COLEC10: variants seen among roughly 807,000 people sequenced by gnomAD.
COLEC10 encodes the protein collectin-10.
A neutral mutation model predicts 28.4 loss-of-function variants in COLEC10; 22 were observed. The ratio of observed to expected loss-of-function variants is 0.78; its 90% confidence interval spans 0.55 to 1.11. The LOEUF is 1.11. COLEC10 is among the 50% of genes least tolerant of loss of function. COLEC10 has a pLI of 0.00. For missense variants in COLEC10, 361 were observed against 344.1 expected, an observed-to-expected ratio of 1.05 and a Z score of -0.39; for synonymous variants, 125 against 116.1, an observed-to-expected ratio of 1.08 and a Z score of -0.49.
intron 2 of COLEC10, among the ~76,000 whole-genome samples, chr8:119,022,612 C>A (rs1222369492): frequency 6.6e-6 from 1 of 151,944 alleles, no homozygotes; most frequent in Non-Finnish European, 1.5e-5. Flanking sequence ...AGAAAGTGAC[C>A]AGTGACTTTT....
At chr8:119,089,139 A>G (rs1019154359) in intron 1 of COLEC10, among the ~76,000 whole-genome samples, 1 of 152,208 alleles carries the variant, frequency 6.6e-6, no homozygotes, top group Non-Finnish European at 1.5e-5. Context: ...TAAACCATTC[A>G]TTCAATCTTT....
At chr8:118,976,986 AAC>A in the COLEC10 span, among the ~76,000 whole-genome samples, 6 of 148,518 alleles carry the variant, frequency 4.0e-5, no homozygotes, top group East Asian at 1.2e-3. Flanking sequence ...GCAGCCAAAA[AAC>A]ACATGAAAAA....
chr8:119,102,256 C>A, intron 3 of COLEC10, 92 bp from the exon 4 acceptor site: 2 of 410,994 alleles, frequency 4.9e-6, no homozygotes, highest in Non-Finnish European at 8.9e-6. Flanking sequence ...CCTTCTTTTC[C>A]TTCCTTCATT....
intron 1 of COLEC10, among the ~76,000 whole-genome samples, chr8:119,008,106 T>C (rs1813838647): frequency 6.6e-6 from 1 of 151,022 alleles, no homozygotes; most frequent in Non-Finnish European, 1.5e-5. Context: ...GGGAGCTAAC[T>C]TGGAAATATA....
At chr8:119,041,736 T>C (rs1367535159) in intron 2 of COLEC10, among the ~76,000 whole-genome samples, 1 of 152,202 alleles carries the variant, frequency 6.6e-6, no homozygotes, top group African/African-American at 2.4e-5. Flanking sequence ...TTAGTAAAAA[T>C]ACCCTCTGCT....
chr8:119,026,879 G>C (rs972249351), intron 2 of COLEC10, among the ~76,000 whole-genome samples: 12 of 152,130 alleles, frequency 7.9e-5, no homozygotes, highest in African/African-American at 2.9e-4. Context: ...ATTTTTGGCT[G>C]TAGGCTGCCC....
chr8:118,959,773 T>C, the COLEC10 span, among the ~76,000 whole-genome samples: 1 of 152,176 alleles, frequency 6.6e-6, no homozygotes, highest in Non-Finnish European at 1.5e-5. Flanking sequence ...GTTCCCACAA[T>C]GTGTTCAGCC....
At chr8:119,016,104 G>A (rs1001315509) in intron 2 of COLEC10, among the ~76,000 whole-genome samples, 7 of 152,014 alleles carry the variant, frequency 4.6e-5, no homozygotes, top group African/African-American at 1.7e-4. Context: ...ATATACACGT[G>A]CACCTATCAA....
intron 2 of COLEC10, among the ~76,000 whole-genome samples, chr8:119,044,548 G>GA: frequency 6.6e-6 from 1 of 152,084 alleles, no homozygotes; most frequent in East Asian, 1.9e-4. Context: ...TGCTGTAATT[G>GA]AAAAAAACAT....
chr8:119,078,881 C>G lies in COLEC10; in HGVS notation c.149-10799C>G, dbSNP rs555063575. On this transcript the variant is annotated intron_variant, in intron 1 of 5. Transcript: ENST00000332843. ...CTACACTTTCTCCTTAAATTTGTTT[C>G]TAACTCACTTTGTACTGAAATGAGT... 7.2e-5 allele frequency among the ~76,000 whole-genome samples: 11 copies of G among 152,208 alleles called. No individual in the cohort carries two copies. The East Asian group carries it at 2.1e-3, about 29-fold the overall frequency.
the COLEC10 span, among the ~76,000 whole-genome samples, chr8:118,980,806 T>A: frequency 6.6e-6 from 1 of 152,182 alleles, no homozygotes; most frequent in African/African-American, 2.4e-5. Flanking sequence ...TAGTTTAATA[T>A]GTGAAAAAAG....
At chr8:119,075,178 C>A (rs561026060) in intron 1 of COLEC10, among the ~76,000 whole-genome samples, 25 of 152,268 alleles carry the variant, frequency 1.6e-4, no homozygotes, top group South Asian at 6.2e-4. Context: ...AGGCCAGGCA[C>A]AAATTCTCTC....
chr8:119,089,580 G>T, intron 1 of COLEC10, 100 bp from the exon 2 acceptor site: 1 of 891,894 alleles, frequency 1.1e-6, no homozygotes, highest in Non-Finnish European at 1.8e-6. Context: ...CAAGCGCTGA[G>T]CTGAGGGAAA....
the COLEC10 span, among the ~76,000 whole-genome samples, chr8:118,988,299 G>A: frequency 6.6e-6 from 1 of 152,148 alleles, no homozygotes; most frequent in South Asian, 2.1e-4. Context: ...GGAGACAGGG[G>A]TAGGGGAGAG....
chr8:118,975,449 T>A, the COLEC10 span, among the ~76,000 whole-genome samples: 84 of 152,150 alleles, frequency 5.5e-4, no homozygotes, highest in African/African-American at 2.0e-3. Context: ...TATAACTCAT[T>A]GTGTCATTCA....
intron 2 of COLEC10, among the ~76,000 whole-genome samples, chr8:119,032,932 C>T (rs1410488533): frequency 6.6e-6 from 1 of 152,132 alleles, no homozygotes; most frequent in Non-Finnish European, 1.5e-5. Context: ...CAAAACAAAC[C>T]AGAGGTCTTC....
At chr8:118,963,640 T>C in the COLEC10 span, among the ~76,000 whole-genome samples, 1 of 152,224 alleles carries the variant, frequency 6.6e-6, no homozygotes, top group Non-Finnish European at 1.5e-5. Flanking sequence ...AATATCCTTT[T>C]CATAGTCTAC....
At chr8:119,090,663 A>G (rs1173451961) in intron 2 of COLEC10, among the ~76,000 whole-genome samples, 1 of 152,050 alleles carries the variant, frequency 6.6e-6, no homozygotes, top group East Asian at 1.9e-4. Flanking sequence ...TTGAATGAAA[A>G]CTCAGCAGGA....
At chr8:119,043,462 C>G (rs934773960) in intron 2 of COLEC10, among the ~76,000 whole-genome samples, 20 of 152,290 alleles carry the variant, frequency 1.3e-4, no homozygotes, top group African/African-American at 3.9e-4. Flanking sequence ...TGTTAAAACA[C>G]CAAAGCCACC....
Sources: allele counts gnomAD v4.1 joint callset (sites outside exome capture counted in the v4.1 genomes callset), GRCh38; gene constraint gnomAD v4.1.1; transcripts MANE v1.5; gene names NCBI Gene and HGNC (gene_info 2026-07-23, HGNC 2026-07-21).